Variants in ADGRL3 observed in about 807,000 individuals in gnomAD.
The protein encoded by ADGRL3 is calcium-independent alpha-latrotoxin receptor 3.
Under a neutral mutation model 153.5 loss-of-function variants are expected in ADGRL3, and 62 were observed. The observed-to-expected ratio is 0.40, with a 90% confidence interval of 0.33 to 0.50. ADGRL3 has a LOEUF of 0.50. Ranked by LOEUF, ADGRL3 falls within the 20% of genes least tolerant of loss-of-function variation. The pLI, the probability that ADGRL3 is intolerant of heterozygous loss-of-function variation, is 0.47. For missense variants in ADGRL3, 1,641 were observed against 1,859.4 expected, an observed-to-expected ratio of 0.88 and a Z score of 2.16; for synonymous variants, 710 against 672.5, an observed-to-expected ratio of 1.06 and a Z score of -0.86.
intron 5 of ADGRL3, among the ~76,000 whole-genome samples, 164 bp downstream of exon 5, chr4:61,587,604 T>G (rs141813209): frequency 6.6e-6 from 1 of 152,278 alleles, no homozygotes; most frequent in Non-Finnish European, 1.5e-5. Context: ...AAATGCTAAT[T>G]GCAAACAGCA....
At chr4:61,487,193 T>C (rs879879471) in intron 2 of ADGRL3, among the ~76,000 whole-genome samples, 1 of 152,180 alleles carries the variant, frequency 6.6e-6, no homozygotes, top group Non-Finnish European at 1.5e-5. Flanking sequence ...TAGAATCTAA[T>C]GACTGAAAAC....
Position 61,983,458 on chromosome 4 carries a change from G to C in ADGRL3, c.3091G>C (p.Val1031Leu). The C allele has an allele frequency of 6.2e-7, 1 of 1,613,922 alleles. No individual in the cohort carries two copies. The highest frequency in any genetic ancestry group is 8.5e-7 in the Non-Finnish European group (1 of 1,179,864). The stretch of plus-strand genomic sequence containing the variant: ...CTTCACCTGGATGTTCCTGGAGGGG[G>C]TGCAGCTTTATATCATGCTGGTGGA... ...AAFTWMFLEG[V>L]QLYIMLVEVF... The change falls in exon 19 of 27, where the codon GTG (valine) becomes CTG (leucine). Residue 1031 changes from valine (V) to leucine (L), a missense_variant. This residue lies in a region of ADGRL3 where 734 missense variants were observed against 797.0 expected (regional missense o/e 0.92). Coordinates refer to ENST00000683033, the MANE Select transcript of ADGRL3 (RefSeq NM_001387552.1).
intron 1 of ADGRL3, among the ~76,000 whole-genome samples, chr4:61,381,494 G>A (rs2096668392): frequency 6.6e-6 from 1 of 151,870 alleles, no homozygotes; most frequent in African/African-American, 2.4e-5. Flanking sequence ...ATAGAGAAAT[G>A]TACAAAGAGG....
chr4:61,969,070 C>G (rs1209323985), intron 17 of ADGRL3, among the ~76,000 whole-genome samples: 1 of 151,714 alleles, frequency 6.6e-6, no homozygotes, highest in Non-Finnish European at 1.5e-5. Flanking sequence ...TAAGACCTGA[C>G]AAAATCAGCT....
chr4:61,311,815 C>T (rs1468550828), intron 1 of ADGRL3, among the ~76,000 whole-genome samples: 1 of 152,092 alleles, frequency 6.6e-6, no homozygotes, highest in Non-Finnish European at 1.5e-5. Context: ...GGTAGATTCA[C>T]ATTATTATAC....
intron 2 of ADGRL3, among the ~76,000 whole-genome samples, chr4:61,414,532 T>C (rs1235379836): frequency 1.3e-5 from 2 of 152,132 alleles, no homozygotes; most frequent in Non-Finnish European, 2.9e-5. Flanking sequence ...GATAACATGA[T>C]CTAAATTAAT....
intron 1 of ADGRL3, among the ~76,000 whole-genome samples, chr4:61,224,038 A>C (rs184277159): frequency 6.6e-6 from 1 of 152,042 alleles, no homozygotes; most frequent in Non-Finnish European, 1.5e-5. Context: ...AAAATTATTA[A>C]ATTTTAAAAA....
intron 4 of ADGRL3, among the ~76,000 whole-genome samples, chr4:61,523,059 G>A (rs1470860092): frequency 2.3e-4 from 2 of 8,614 alleles, no homozygotes; most frequent in African/African-American, 2.6e-3. Flanking sequence ...AAAATTGTGC[G>A]TGTGTGTGTG....
At chr4:61,702,686 A>G (rs141812729) in intron 6 of ADGRL3, among the ~76,000 whole-genome samples, 1 of 152,290 alleles carries the variant, frequency 6.6e-6, no homozygotes, top group African/African-American at 2.4e-5. Context: ...AGAAATCATT[A>G]TTCAAAATTA....
At chr4:61,696,651 A>G (rs1321290774) in intron 6 of ADGRL3, among the ~76,000 whole-genome samples, 2 of 149,046 alleles carry the variant, frequency 1.3e-5, no homozygotes, top group Non-Finnish European at 3.0e-5. Flanking sequence ...TACATTCCCT[A>G]AGTTCCTTTT....
intron 4 of ADGRL3, among the ~76,000 whole-genome samples, chr4:61,522,779 T>C (rs1400600620): frequency 6.6e-6 from 1 of 152,138 alleles, no homozygotes; most frequent in Non-Finnish European, 1.5e-5. Context: ...CTTTTCTCTC[T>C]TGCTCCAAAT....
chr4:61,408,180 C>A (rs1275264954), intron 2 of ADGRL3, among the ~76,000 whole-genome samples: 2 of 152,066 alleles, frequency 1.3e-5, no homozygotes, highest in Non-Finnish European at 2.9e-5. Flanking sequence ...ATTTAAACTT[C>A]TGCAAGGTTT....
In ADGRL3 at chr4:61,847,629, ATATAT is replaced by A. The variant is rs1412006484; in HGVS notation, c.1480+33746_1480+33750del. Among the ~76,000 whole-genome samples, 7 of 30,276 alleles carry A rather than the reference ATATAT, an allele frequency of 2.3e-4. 1 individual carries two copies. The highest frequency in any genetic ancestry group is 1.1e-3 in the East Asian group (2 of 1,868). The allele number at this position is 30,276 out of a possible 152,430, so 19.9% of individuals were successfully genotyped here. On this transcript the variant is annotated intron_variant, in intron 9 of 26. Transcript: ENST00000683033. ...TAATATATTATATATATAATATAAA[ATATAT>A]TATATATATAATATAAAATATATTA...
At chr4:61,323,049 A>T (rs2095394377) in intron 1 of ADGRL3, among the ~76,000 whole-genome samples, 1 of 152,182 alleles carries the variant, frequency 6.6e-6, no homozygotes, top group Non-Finnish European at 1.5e-5. Flanking sequence ...CCCAAACCTT[A>T]ATTCTTGATT....
chr4:61,587,753 C>A (rs1333086372), intron 5 of ADGRL3, among the ~76,000 whole-genome samples: 1 of 151,610 alleles, frequency 6.6e-6, no homozygotes, highest in African/African-American at 2.4e-5. Context: ...TCACAATTTG[C>A]AAAAATAAGA....
At chr4:61,230,637 G>A (rs1034162086) in intron 1 of ADGRL3, among the ~76,000 whole-genome samples, 4 of 151,834 alleles carry the variant, frequency 2.6e-5, no homozygotes, top group East Asian at 1.9e-4. Flanking sequence ...CTCCTGTTTC[G>A]GCCTCCCAAA....
intron 5 of ADGRL3, among the ~76,000 whole-genome samples, chr4:61,664,730 A>G (rs2094723548): frequency 1.3e-5 from 2 of 152,156 alleles, no homozygotes; most frequent in African/African-American, 4.8e-5. Context: ...TATTTTTTAT[A>G]GGGTTCAGGT....
At chr4:62,012,835 ATCT>A (rs1316072131) in intron 21 of ADGRL3, among the ~76,000 whole-genome samples, 1 of 152,192 alleles carries the variant, frequency 6.6e-6, no homozygotes, top group Non-Finnish European at 1.5e-5. Flanking sequence ...GTGTACAGTA[ATCT>A]TCTCAGGATG....
chr4:61,456,405 A>C (rs28454270), intron 2 of ADGRL3, among the ~76,000 whole-genome samples: 17 of 53,888 alleles, frequency 3.2e-4, no homozygotes, highest in Admixed American at 1.0e-3. Flanking sequence ...ATCTATATCT[A>C]TATATATATA....
Sources: gnomAD v4.1 joint callset for allele counts (sites outside exome capture counted in the v4.1 genomes callset) on GRCh38, gnomAD v4.1.1 for gene constraint, gnomAD v4.1.1 regional missense constraint, MANE v1.5 for transcripts, NCBI Gene and HGNC (gene_info 2026-07-23, HGNC 2026-07-21) for gene names.